CNTNAP2: variants seen among roughly 807,000 people sequenced by gnomAD.
CNTNAP2 encodes contactin associated protein 2.
Under a neutral mutation model 155.2 loss-of-function variants are expected in CNTNAP2, and 98 were observed. The ratio of observed to expected loss-of-function variants is 0.63; its 90% CI spans 0.54 to 0.75. The LOEUF (loss-of-function observed/expected upper bound fraction) is 0.75, where lower values mean the gene tolerates loss of function less well. Among genes scored for constraint, CNTNAP2 ranks in the 30% least tolerant of loss-of-function variants. The pLI is 0.00. For synonymous variants in CNTNAP2, 651 were observed against 631.2 expected, an observed-to-expected ratio of 1.03 and a Z score of -0.47; for missense variants, 1,727 against 1,688.1, an observed-to-expected ratio of 1.02 and a Z score of -0.40.
intron 13 of CNTNAP2, among the ~76,000 whole-genome samples, chr7:147,824,761 A>G (rs1459866231): frequency 6.6e-6 from 1 of 152,070 alleles, no homozygotes; most frequent in East Asian, 1.9e-4. Flanking sequence ...CAGAGCCTCA[A>G]ATCGATATTT....
chr7:146,611,054 C>T (rs1799128230), intron 1 of CNTNAP2, among the ~76,000 whole-genome samples: 1 of 152,162 alleles, frequency 6.6e-6, no homozygotes, highest in Admixed American at 6.5e-5. Context: ...TTTCAGGAAG[C>T]ATTAAAATGA....
At chr7:146,160,869 T>G (rs1798210350) in intron 1 of CNTNAP2, among the ~76,000 whole-genome samples, 1 of 152,184 alleles carries the variant, frequency 6.6e-6, no homozygotes, top group Non-Finnish European at 1.5e-5. Flanking sequence ...AACATCATCC[T>G]GATACCAAAG....
intron 8 of CNTNAP2, among the ~76,000 whole-genome samples, chr7:147,272,212 G>T (rs1256109188): frequency 6.6e-6 from 1 of 152,058 alleles, no homozygotes; most frequent in Non-Finnish European, 1.5e-5. Context: ...AAATTAGATT[G>T]CTCATCCTAG....
At chr7:146,528,391 A>C (rs983303808) in intron 1 of CNTNAP2, among the ~76,000 whole-genome samples, 11 of 152,190 alleles carry the variant, frequency 7.2e-5, no homozygotes, top group Non-Finnish European at 1.3e-4. Flanking sequence ...TATGATTGCT[A>C]TGAAGGTTAA....
At chr7:148,158,047 C>T (rs1805437621) in intron 17 of CNTNAP2, among the ~76,000 whole-genome samples, 1 of 152,062 alleles carries the variant, frequency 6.6e-6, no homozygotes, top group Non-Finnish European at 1.5e-5. Flanking sequence ...AGAACCATCT[C>T]CACCTACGAC....
intron 20 of CNTNAP2, among the ~76,000 whole-genome samples, chr7:148,237,426 AG>A (rs1384978889): frequency 5.9e-5 from 9 of 152,194 alleles, no homozygotes; most frequent in Non-Finnish European, 2.9e-5. Context: ...GGGGCAAGAG[AG>A]GACATGGAAG....
At chr7:147,313,817 G>C (rs999554828) in intron 9 of CNTNAP2, among the ~76,000 whole-genome samples, 21 of 151,852 alleles carry the variant, frequency 1.4e-4, no homozygotes, top group Non-Finnish European at 2.2e-4. Context: ...TTGGTAGCTT[G>C]ATGGGGATGG....
At chr7:147,343,862 C>G (rs1447718142) in intron 9 of CNTNAP2, among the ~76,000 whole-genome samples, 1 of 152,044 alleles carries the variant, frequency 6.6e-6, no homozygotes, top group African/African-American at 2.4e-5. Flanking sequence ...CTACAGACCA[C>G]AATTTCAAAC....
chr7:146,183,398 T>C (rs188784284), intron 1 of CNTNAP2, among the ~76,000 whole-genome samples: 2 of 152,190 alleles, frequency 1.3e-5, no homozygotes, highest in East Asian at 3.9e-4. Context: ...TTTCATGGCC[T>C]TCCAGCATTT....
intron 13 of CNTNAP2, among the ~76,000 whole-genome samples, chr7:147,666,666 T>C (rs1474819424): frequency 6.6e-6 from 1 of 152,226 alleles, no homozygotes; most frequent in African/African-American, 2.4e-5. Context: ...TATCATGTTC[T>C]TTTGTGCTTA....
At chr7:148,081,819 G>A (rs933698921) in intron 15 of CNTNAP2, among the ~76,000 whole-genome samples, 4 of 151,996 alleles carry the variant, frequency 2.6e-5, no homozygotes, top group Non-Finnish European at 4.4e-5. Flanking sequence ...AAATGACAGT[G>A]ATTTGGGAAG....
rs1348160638 is a variant in CNTNAP2, at chr7:146,930,843, C to T, written c.402+90939C>T. Among the ~76,000 whole-genome samples the T allele has an allele frequency of 3.3e-5, 5 of 152,040 alleles. No individual in the cohort carries two copies. The East Asian group carries it at 7.7e-4, about 23-fold the overall frequency. Reference sequence around the variant, plus strand: ...AAAGATCAAAAGAGACAAAGAAGGCCATTACATAATGGTAAAGGGATTAAT... The same window carrying T: ...AAAGATCAAAAGAGACAAAGAAGGCTATTACATAATGGTAAAGGGATTAAT... On this transcript the variant is annotated intron_variant, in intron 3 of 23. Coordinates refer to ENST00000361727, the MANE Select transcript of CNTNAP2 (RefSeq NM_014141.6).
chr7:146,808,103 T>C (rs987522879), intron 2 of CNTNAP2, among the ~76,000 whole-genome samples: 2 of 152,214 alleles, frequency 1.3e-5, no homozygotes. Context: ...GTTTATTACA[T>C]GAGCGGCCTG....
intron 13 of CNTNAP2, among the ~76,000 whole-genome samples, chr7:147,860,098 G>T (rs1461614603): frequency 6.6e-6 from 1 of 152,030 alleles, no homozygotes; most frequent in East Asian, 1.9e-4. Context: ...TTCTCAGGAT[G>T]GTGAGTGAGT....
At chr7:147,684,481 T>G (rs2116983737) in intron 13 of CNTNAP2, among the ~76,000 whole-genome samples, 1 of 151,986 alleles carries the variant, frequency 6.6e-6, no homozygotes, top group East Asian at 1.9e-4. Flanking sequence ...TAAGACAAAT[T>G]TGATTCAATG....
chr7:147,500,590 G>T (rs1187712851), intron 11 of CNTNAP2, among the ~76,000 whole-genome samples: 1 of 151,978 alleles, frequency 6.6e-6, no homozygotes, highest in African/African-American at 2.4e-5. Flanking sequence ...ACAATTTGGG[G>T]CAACTAAACT....
intron 13 of CNTNAP2, among the ~76,000 whole-genome samples, chr7:147,710,520 C>G (rs1449979253): frequency 6.6e-6 from 1 of 152,160 alleles, no homozygotes; most frequent in African/African-American, 2.4e-5. Context: ...GCATTACTTC[C>G]TATGTAAACT....
intron 1 of CNTNAP2, among the ~76,000 whole-genome samples, chr7:146,396,285 C>T (rs1283314485): frequency 6.6e-6 from 1 of 152,080 alleles, no homozygotes; most frequent in Non-Finnish European, 1.5e-5. Context: ...CAACAACTTT[C>T]CTAACTTGCA....
rs200767699 is a variant in CNTNAP2, at chr7:147,202,857, A to AT, written c.1348+70348_1348+70349insT. Among the ~76,000 whole-genome samples, 1,153 of 150,162 alleles carry AT rather than the reference A, an allele frequency of 7.7e-3. 12 individuals are homozygous for AT. The highest frequency in any genetic ancestry group is 0.011 in the Non-Finnish European group (726 of 67,450). On this transcript the variant is annotated intron_variant, in intron 8 of 23. Transcript: ENST00000361727. Reference sequence around the variant, plus strand: ...GAAATACCTAAAGTATAATTAAAAAAAAATATATATATATATAGTCAATCT... The same window carrying AT: ...GAAATACCTAAAGTATAATTAAAAAATAAATATATATATATATAGTCAATCT...
Sources: gnomAD v4.1 joint callset for allele counts (sites outside exome capture counted in the v4.1 genomes callset) on GRCh38, gnomAD v4.1.1 for gene constraint, MANE v1.5 for transcripts, NCBI Gene and HGNC (gene_info 2026-07-23, HGNC 2026-07-21) for gene names.